The following GALNTL6 variants were observed in gnomAD, a reference collection of about 807,000 sequenced individuals.
The protein encoded by GALNTL6 is polypeptide N-acetylgalactosaminyltransferase like 6, also known as polypeptide N-acetylgalactosaminyltransferase-like 6.
GALNTL6 carries 46 observed loss-of-function variants against 73.7 expected under a neutral mutation model. The ratio of observed to expected loss-of-function variants is 0.62; its 90% CI spans 0.49 to 0.80. The LOEUF (loss-of-function observed/expected upper bound fraction) is 0.80, where lower values mean the gene tolerates loss of function less well. Among genes scored for constraint, GALNTL6 ranks in the 30% least tolerant of loss-of-function variants. The pLI, the probability that GALNTL6 is intolerant of heterozygous loss-of-function variation, is 0.00. For synonymous variants in GALNTL6, 259 were observed against 263.7 expected (o/e 0.98, Z 0.17); for missense variants, 604 against 755.0 (o/e 0.80, Z 2.34).
intron 7 of GALNTL6, among the ~76,000 whole-genome samples, chr4:172,841,920 T>A (rs1437513427): frequency 6.6e-6 from 1 of 152,182 alleles, no homozygotes; most frequent in Admixed American, 6.5e-5. Flanking sequence ...CCTTAGAAGG[T>A]CTTTTAGATA....
chr4:172,213,525 G>A (rs1235361667), intron 2 of GALNTL6, among the ~76,000 whole-genome samples: 1 of 152,118 alleles, frequency 6.6e-6, no homozygotes, highest in African/African-American at 2.4e-5. Context: ...ATGAAATTAA[G>A]GATCGTTGTA....
At chr4:172,010,987 G>T (rs1459294390) in intron 2 of GALNTL6, among the ~76,000 whole-genome samples, 3 of 152,006 alleles carry the variant, frequency 2.0e-5, no homozygotes, top group African/African-American at 4.8e-5. Flanking sequence ...GATTAATAGA[G>T]AAATTGCAAC....
At chr4:172,643,199 A>G (rs534117191) in intron 5 of GALNTL6, among the ~76,000 whole-genome samples, 2 of 152,096 alleles carry the variant, frequency 1.3e-5, no homozygotes, top group East Asian at 3.9e-4. Context: ...GAAGTAGATG[A>G]GGTCTCTGAC....
At chr4:172,151,247 C>G (rs1382138380) in intron 2 of GALNTL6, among the ~76,000 whole-genome samples, 1 of 152,058 alleles carries the variant, frequency 6.6e-6, no homozygotes. Flanking sequence ...ATATTCTAAG[C>G]TTGTTTCAAA....
intron 2 of GALNTL6, among the ~76,000 whole-genome samples, chr4:171,925,875 A>C (rs1737963654): frequency 6.6e-6 from 1 of 152,138 alleles, no homozygotes; most frequent in African/African-American, 2.4e-5. Flanking sequence ...GATGAACAGA[A>C]ATATAAAAGT....
At chr4:172,137,749 G>A (rs148996152) in intron 2 of GALNTL6, among the ~76,000 whole-genome samples, 699 of 152,290 alleles carry the variant, frequency 4.6e-3, no homozygotes, top group South Asian at 0.032. Flanking sequence ...TCCCTAGTTG[G>A]ATGAGAATCT....
At chr4:172,730,241 T>C (rs1314449980) in intron 5 of GALNTL6, among the ~76,000 whole-genome samples, 3 of 152,202 alleles carry the variant, frequency 2.0e-5, no homozygotes, top group African/African-American at 7.2e-5. Context: ...TTCCCAATTG[T>C]TCTGGCCAGG....
At chr4:172,069,417 T>C (rs56179190) in intron 2 of GALNTL6, among the ~76,000 whole-genome samples, 2,462 of 95,298 alleles carry the variant, frequency 0.026, 666 homozygotes, top group Non-Finnish European at 0.04. Context: ...ACATATATGT[T>C]ATATATAACA....
At chr4:172,989,409 A>C (rs1751445668) in intron 10 of GALNTL6, among the ~76,000 whole-genome samples, 1 of 152,190 alleles carries the variant, frequency 6.6e-6, no homozygotes, top group South Asian at 2.1e-4. Flanking sequence ...GGGACTGTTG[A>C]AAAGAGGTGA....
At chr4:172,424,959 A>T (rs1731177493) in intron 5 of GALNTL6, among the ~76,000 whole-genome samples, 1 of 152,106 alleles carries the variant, frequency 6.6e-6, no homozygotes, top group African/African-American at 2.4e-5. Flanking sequence ...AGTTTATTTC[A>T]AGCATCAAGT....
intron 9 of GALNTL6, among the ~76,000 whole-genome samples, chr4:172,946,370 T>C (rs1749167331): frequency 6.6e-6 from 1 of 152,210 alleles, no homozygotes; most frequent in Admixed American, 6.5e-5. Context: ...TTGAATAGTC[T>C]AGCAGTAAGA....
intron 8 of GALNTL6, among the ~76,000 whole-genome samples, chr4:172,917,116 TTGACAAACC>T (rs1747562600): frequency 6.6e-6 from 1 of 152,210 alleles, no homozygotes; most frequent in Non-Finnish European, 1.5e-5. Flanking sequence ...CATCTGATCT[TTGACAAACC>T]TGACAAAAAC....
chr4:172,367,484 T>TGATA (rs1742609454), intron 5 of GALNTL6, among the ~76,000 whole-genome samples: 1 of 152,198 alleles, frequency 6.6e-6, no homozygotes. Context: ...GAGGTGGTAC[T>TGATA]GATAACTCCA....
chr4:172,528,389 G>T (rs1028926540), intron 5 of GALNTL6, among the ~76,000 whole-genome samples: 13 of 132,968 alleles, frequency 9.8e-5, no homozygotes, highest in Middle Eastern at 4.3e-3. Context: ...ATAGAGCCTT[G>T]CTCTGTCACC....
At chr4:172,301,893 A>C (rs1739942829) in intron 3 of GALNTL6, among the ~76,000 whole-genome samples, 1 of 152,114 alleles carries the variant, frequency 6.6e-6, no homozygotes, top group African/African-American at 2.4e-5. Flanking sequence ...CTCTCTTCAA[A>C]GCTGTCAGAC....
intron 5 of GALNTL6, among the ~76,000 whole-genome samples, chr4:172,711,186 T>G (rs1048559628): frequency 1.3e-5 from 2 of 152,202 alleles, no homozygotes; most frequent in Admixed American, 1.3e-4. Context: ...ACGTGACACT[T>G]GGTCAAAGAC....
intron 4 of GALNTL6, among the ~76,000 whole-genome samples, chr4:172,344,393 A>C (rs1320047126): frequency 6.6e-6 from 1 of 152,192 alleles, no homozygotes; most frequent in Non-Finnish European, 1.5e-5. Context: ...AAGTGCTAGA[A>C]TGACCGAATA....
chr4:172,708,842 T>C (rs1734522359), intron 5 of GALNTL6, among the ~76,000 whole-genome samples: 1 of 152,204 alleles, frequency 6.6e-6, no homozygotes, highest in Non-Finnish European at 1.5e-5. Flanking sequence ...GTTTTCTTTT[T>C]TTCCAATTCA....
intron 5 of GALNTL6, among the ~76,000 whole-genome samples, chr4:172,624,273 G>A (rs565219467): frequency 1.4e-4 from 21 of 151,820 alleles, no homozygotes; most frequent in Middle Eastern, 3.4e-3. Flanking sequence ...TTTGTTTTTT[G>A]TTTGTTTGTT....
Sources: gnomAD v4.1 joint callset for allele counts (sites outside exome capture counted in the v4.1 genomes callset) on GRCh38, gnomAD v4.1.1 for gene constraint, MANE v1.5 for transcripts, NCBI Gene and HGNC (gene_info 2026-07-23, HGNC 2026-07-21) for gene names.